The following GALNTL6 variants were observed in gnomAD, a reference collection of about 807,000 sequenced individuals.
The protein encoded by GALNTL6 is polypeptide N-acetylgalactosaminyltransferase like 6, also known as polypeptide N-acetylgalactosaminyltransferase-like 6.
A neutral mutation model predicts 73.7 loss-of-function variants in GALNTL6; 46 were observed. That is an observed-to-expected ratio of 0.62 (90% CI 0.49 to 0.80). GALNTL6 has a LOEUF of 0.80. GALNTL6 is among the 30% of genes least tolerant of loss of function. GALNTL6 has a pLI of 0.00. For missense variants in GALNTL6, 604 were observed against 755.0 expected, an observed-to-expected ratio of 0.80 and a Z score of 2.34; for synonymous variants, 259 against 263.7, an observed-to-expected ratio of 0.98 and a Z score of 0.17.
intron 5 of GALNTL6, 96 bp downstream of exon 5, chr4:172,348,785 T>G: frequency 1.5e-5 from 11 of 743,826 alleles, no homozygotes; most frequent in Non-Finnish European, 2.1e-5. Context: ...TCTTTCTGAT[T>G]CCATCTGAAA....
In GALNTL6 at chr4:172,052,412, T is replaced by C. The variant is rs1209069497; in HGVS notation, c.139-177244T>C. 4 of 1,486,990 alleles carry C rather than the reference T, an allele frequency of 2.7e-6. No individual in the cohort carries two copies. The South Asian group carries it at 4.8e-5, about 18-fold the overall frequency. 92.1% of individuals were successfully genotyped at this position (1,486,990 alleles called of 1,614,324 possible). A position where few individuals can be genotyped will look rare whatever the true frequency, so the allele number is the denominator to read the frequency against. On this transcript the variant is annotated intron_variant, in intron 2 of 12. Coordinates refer to ENST00000506823, the MANE Select transcript of GALNTL6 (RefSeq NM_001034845.3). Reference sequence around the variant, plus strand: ...CTTCATAGTAACCACAAGCTCCAGATGGGCTGTTTACCCCAACCCATTCAC... The same window carrying C: ...CTTCATAGTAACCACAAGCTCCAGACGGGCTGTTTACCCCAACCCATTCAC...
intron 2 of GALNTL6, among the ~76,000 whole-genome samples, chr4:172,210,208 G>C (rs114716672): frequency 2.0e-5 from 3 of 151,932 alleles, no homozygotes; most frequent in African/African-American, 7.2e-5. Context: ...GAGAAATATT[G>C]CCCTTCTAAA....
At chr4:172,907,538 G>A (rs1206081768) in intron 8 of GALNTL6, among the ~76,000 whole-genome samples, 1 of 152,182 alleles carries the variant, frequency 6.6e-6, no homozygotes, top group Non-Finnish European at 1.5e-5. Flanking sequence ...GATAAAATTT[G>A]CAAACTGCTT....
intron 12 of GALNTL6, among the ~76,000 whole-genome samples, chr4:173,027,912 A>G (rs1039443369): frequency 4.6e-5 from 7 of 152,260 alleles, no homozygotes; most frequent in Non-Finnish European, 8.8e-5. Flanking sequence ...AATGAAGTTT[A>G]AAAGTGATTC....
At chr4:172,006,656 A>C (rs980276200) in intron 2 of GALNTL6, among the ~76,000 whole-genome samples, 1 of 152,112 alleles carries the variant, frequency 6.6e-6, no homozygotes, top group Non-Finnish European at 1.5e-5. Flanking sequence ...AAAAAAGTAA[A>C]GTAACTTGAT....
intron 5 of GALNTL6, among the ~76,000 whole-genome samples, chr4:172,535,021 T>C (rs974294304): frequency 1.3e-5 from 2 of 152,202 alleles, no homozygotes; most frequent in Non-Finnish European, 2.9e-5. Flanking sequence ...GGGTTTAAAG[T>C]TTTAGAAGAC....
At chr4:173,021,762 G>T in intron 12 of GALNTL6, 137 bp downstream of exon 12, 2 of 829,420 alleles carry the variant, frequency 2.4e-6, no homozygotes, top group South Asian at 3.4e-5. Context: ...GGGAGGTCGA[G>T]GTGGGCAGAT....
chr4:172,333,104 T>C (rs991814599), intron 4 of GALNTL6, among the ~76,000 whole-genome samples: 11 of 152,178 alleles, frequency 7.2e-5, no homozygotes, highest in Non-Finnish European at 1.3e-4. Context: ...TAAGTCTTCA[T>C]CTTAGAAATG....
intron 2 of GALNTL6, among the ~76,000 whole-genome samples, chr4:171,997,468 G>A (rs949654009): frequency 6.6e-6 from 1 of 152,106 alleles, no homozygotes; most frequent in Non-Finnish European, 1.5e-5. Flanking sequence ...GAGCATCATA[G>A]CTTACCCTTA....
At chr4:172,596,771 CATAT>C (rs1396038013) in intron 5 of GALNTL6, among the ~76,000 whole-genome samples, 1 of 152,114 alleles carries the variant, frequency 6.6e-6, no homozygotes, top group Non-Finnish European at 1.5e-5. Flanking sequence ...TGTATATACA[CATAT>C]ATACATGTAT....
chr4:172,731,727 G>C (rs1179882547), intron 5 of GALNTL6, among the ~76,000 whole-genome samples: 1 of 152,012 alleles, frequency 6.6e-6, no homozygotes, highest in Non-Finnish European at 1.5e-5. Flanking sequence ...GTATTCCATA[G>C]AGTTTGGCAT....
At chr4:172,447,797 C>G (rs1210964676) in intron 5 of GALNTL6, among the ~76,000 whole-genome samples, 2 of 152,008 alleles carry the variant, frequency 1.3e-5, no homozygotes, top group African/African-American at 4.8e-5. Context: ...GTAAAGTGCA[C>G]ACAGTATTTA....
intron 5 of GALNTL6, among the ~76,000 whole-genome samples, chr4:172,520,539 T>G (rs2110815708): frequency 6.6e-6 from 1 of 151,946 alleles, no homozygotes; most frequent in East Asian, 1.9e-4. Flanking sequence ...TGAGTCAGTC[T>G]TTTCGTTTTT....
chr4:172,711,329 G>A (rs1946796), intron 5 of GALNTL6, among the ~76,000 whole-genome samples: 3,289 of 152,098 alleles, frequency 0.022, 117 homozygotes, highest in African/African-American at 0.074. Context: ...AGATTACTGC[G>A]GCTGAAGCTG....
intron 2 of GALNTL6, among the ~76,000 whole-genome samples, chr4:172,016,723 A>C (rs1741207883): frequency 6.6e-6 from 1 of 151,238 alleles, no homozygotes; most frequent in Non-Finnish European, 1.5e-5. Context: ...TTATTTTTTA[A>C]TTTATTTTTT....
At chr4:172,082,899 A>T (rs963242925) in intron 2 of GALNTL6, among the ~76,000 whole-genome samples, 1 of 152,078 alleles carries the variant, frequency 6.6e-6, no homozygotes, top group African/African-American at 2.4e-5. Flanking sequence ...TATTGGCTGA[A>T]TTCTTTTTGA....
At chr4:171,933,807 A>G (rs933289942) in intron 2 of GALNTL6, among the ~76,000 whole-genome samples, 4 of 152,278 alleles carry the variant, frequency 2.6e-5, no homozygotes, top group African/African-American at 9.6e-5. Context: ...TCTCTCTATA[A>G]CCTATGATTC....
At chr4:172,528,319 A>AAAATATAT (rs1239544708) in intron 5 of GALNTL6, among the ~76,000 whole-genome samples, 3 of 103,704 alleles carry the variant, frequency 2.9e-5, no homozygotes, top group African/African-American at 1.5e-4. Flanking sequence ...CTAGAAATAA[A>AAAATATAT]ATATATATAT....
chr4:172,243,021 A>G (rs888046536), intron 3 of GALNTL6, among the ~76,000 whole-genome samples: 11 of 152,196 alleles, frequency 7.2e-5, no homozygotes, highest in Non-Finnish European at 1.5e-5. Flanking sequence ...ATATTCAAAA[A>G]TAAATCCAAC....
Sources: gnomAD v4.1 joint callset for allele counts (sites outside exome capture counted in the v4.1 genomes callset) on GRCh38, gnomAD v4.1.1 for gene constraint, MANE v1.5 for transcripts, NCBI Gene and HGNC (gene_info 2026-07-23, HGNC 2026-07-21) for gene names.